Variants in MGAT4C observed in about 807,000 individuals in gnomAD.
MGAT4C encodes the protein alpha-1,3-mannosyl-glycoprotein 4-beta-N-acetylglucosaminyltransferase C.
Under a neutral mutation model 40.1 loss-of-function variants are expected in MGAT4C, and 19 were observed. The ratio of observed to expected loss-of-function variants is 0.47; its 90% CI spans 0.33 to 0.70. MGAT4C has a LOEUF of 0.70. MGAT4C is among the 30% of genes least tolerant of loss of function. The pLI, the probability that MGAT4C is intolerant of heterozygous loss-of-function variation, is 0.02. For missense variants in MGAT4C, 491 were observed against 563.2 expected (o/e 0.87, Z 1.30); for synonymous variants, 181 against 187.1 (o/e 0.97, Z 0.27).
At chr12:86,068,892 GGCCTT>G (rs1453781467) in intron 1 of MGAT4C, among the ~76,000 whole-genome samples, 1 of 152,048 alleles carries the variant, frequency 6.6e-6, no homozygotes, top group Non-Finnish European at 1.5e-5. Flanking sequence ...GAAAGGGTGT[GGCCTT>G]GCACTCTGTG....
At chr12:86,746,495 C>T (rs114943646) in intron 1 of MGAT4C, among the ~76,000 whole-genome samples, 1 of 151,736 alleles carries the variant, frequency 6.6e-6, no homozygotes, top group African/African-American at 2.4e-5. Flanking sequence ...TACCACTTCT[C>T]TGTCATTCTG....
At position 85,978,834 on chromosome 12, in the gene MGAT4C, C is replaced by T. The variant is rs1164582974; in HGVS notation, c.*455G>A. Reference sequence around the variant, plus strand: ...AGAAGTCAACGGAAACTTAAGTTTACAGAAAAAATAAACCAGATTATCATT... The same window carrying T: ...AGAAGTCAACGGAAACTTAAGTTTATAGAAAAAATAAACCAGATTATCATT... On this transcript the variant is annotated 3_prime_UTR_variant, in exon 5 of 5. Transcript: ENST00000611864. 3 of 151,936 alleles carry T rather than the reference C, an allele frequency of 2.0e-5. No homozygotes were observed. Among genetic ancestry groups the T allele is most frequent in the African/African-American group, 7.3e-5 (3 of 41,322 alleles). The allele number at this position is 151,936 out of a possible 1,614,324, so 9.4% of individuals were successfully genotyped here.
At chr12:86,685,444 T>C (rs1274481808) in intron 2 of MGAT4C, among the ~76,000 whole-genome samples, 1 of 152,194 alleles carries the variant, frequency 6.6e-6, no homozygotes, top group African/African-American at 2.4e-5. Flanking sequence ...TGTAGCCTTG[T>C]AGTATAGTTT....
chr12:86,581,973 C>A (rs1221130435), intron 2 of MGAT4C, among the ~76,000 whole-genome samples: 1 of 151,438 alleles, frequency 6.6e-6, no homozygotes, highest in Non-Finnish European at 1.5e-5. Flanking sequence ...CAGTCCGTGT[C>A]TTATAGATTT....
chr12:86,024,762 T>C (rs1890098747), intron 2 of MGAT4C, among the ~76,000 whole-genome samples: 1 of 151,826 alleles, frequency 6.6e-6, no homozygotes. Flanking sequence ...ATTTCCATAG[T>C]CAAATGGTCA....
intron 2 of MGAT4C, among the ~76,000 whole-genome samples, chr12:86,620,150 G>A (rs1279752300): frequency 6.6e-6 from 1 of 152,132 alleles, no homozygotes; most frequent in Non-Finnish European, 1.5e-5. Context: ...AAAACAGTAT[G>A]GAGATTTCTC....
At chr12:86,529,574 T>G (rs910141862) in intron 2 of MGAT4C, among the ~76,000 whole-genome samples, 2 of 152,080 alleles carry the variant, frequency 1.3e-5, no homozygotes, top group Non-Finnish European at 2.9e-5. Flanking sequence ...AAACTTATTT[T>G]AAATGATATC....
At chr12:86,491,209 C>G (rs1212893780) in intron 2 of MGAT4C, among the ~76,000 whole-genome samples, 1 of 152,020 alleles carries the variant, frequency 6.6e-6, no homozygotes, top group Non-Finnish European at 1.5e-5. Context: ...CGAATGCTAC[C>G]AGAGGTAAAA....
At chr12:86,102,070 T>C (rs1353017460) in intron 1 of MGAT4C, among the ~76,000 whole-genome samples, 1 of 151,908 alleles carries the variant, frequency 6.6e-6, no homozygotes, top group African/African-American at 2.4e-5. Context: ...ATTATAAATA[T>C]TTAATGTCTT....
intron 4 of MGAT4C, among the ~76,000 whole-genome samples, chr12:86,299,632 A>G (rs1953763900): frequency 6.6e-6 from 1 of 152,206 alleles, no homozygotes; most frequent in South Asian, 2.1e-4. Context: ...ATACAGCTCA[A>G]ATAATGAAAT....
At chr12:86,687,935 T>G (rs1359505472) in intron 2 of MGAT4C, among the ~76,000 whole-genome samples, 1 of 152,174 alleles carries the variant, frequency 6.6e-6, no homozygotes, top group African/African-American at 2.4e-5. Context: ...CACTGGGATG[T>G]TAAAGTCTCC....
At chr12:86,251,261 T>TA (rs1952266903) in intron 1 of MGAT4C, among the ~76,000 whole-genome samples, 1 of 151,310 alleles carries the variant, frequency 6.6e-6, no homozygotes. Context: ...AAATGTAACA[T>TA]AAAAATCTAT....
chr12:86,134,815 C>G (rs1881720080), intron 1 of MGAT4C, among the ~76,000 whole-genome samples: 1 of 152,040 alleles, frequency 6.6e-6, no homozygotes, highest in Non-Finnish European at 1.5e-5. Flanking sequence ...GGATGATGAA[C>G]AGTGGAGAGG....
At chr12:86,646,905 C>A (rs1403641219) in intron 2 of MGAT4C, among the ~76,000 whole-genome samples, 2 of 151,884 alleles carry the variant, frequency 1.3e-5, no homozygotes, top group African/African-American at 4.8e-5. Context: ...TCAAGCCAGG[C>A]TAAATTTAGT....
At chr12:86,662,777 C>T (rs922151571) in intron 2 of MGAT4C, among the ~76,000 whole-genome samples, 5 of 152,154 alleles carry the variant, frequency 3.3e-5, no homozygotes, top group African/African-American at 1.2e-4. Context: ...ATCAGCATTA[C>T]TCTTTAATCA....
intron 2 of MGAT4C, among the ~76,000 whole-genome samples, chr12:86,033,795 A>C (rs1890975983): frequency 6.7e-6 from 1 of 149,786 alleles, no homozygotes; most frequent in African/African-American, 2.4e-5. Context: ...CATGTTGAAT[A>C]GGAGTGGTGA....
chr12:86,595,446 G>A (rs537087588), intron 2 of MGAT4C, among the ~76,000 whole-genome samples: 4 of 151,622 alleles, frequency 2.6e-5, no homozygotes, highest in South Asian at 2.1e-4. Context: ...CAGGAGAATC[G>A]CTTGAATCCG....
intron 2 of MGAT4C, among the ~76,000 whole-genome samples, chr12:86,596,536 G>A (rs572822728): frequency 2.0e-5 from 3 of 152,206 alleles, no homozygotes; most frequent in South Asian, 2.1e-4. Flanking sequence ...TAGATAAATC[G>A]GTTTTGTAAG....
At chr12:86,117,772 C>T (rs2135670507) in intron 1 of MGAT4C, among the ~76,000 whole-genome samples, 1 of 152,190 alleles carries the variant, frequency 6.6e-6, no homozygotes, top group East Asian at 1.9e-4. Flanking sequence ...AGTGGAACTC[C>T]AGAATGTTCA....
Sources: gnomAD v4.1 joint callset for allele counts (sites outside exome capture counted in the v4.1 genomes callset) on GRCh38, gnomAD v4.1.1 for gene constraint, MANE v1.5 for transcripts, NCBI Gene and HGNC (gene_info 2026-07-23, HGNC 2026-07-21) for gene names.